The following GJB7 variants were observed in gnomAD, a reference collection of about 807,000 sequenced individuals.
GJB7 encodes the protein gap junction beta-7 protein.
For missense variants in GJB7, 253 were observed against 256.8 expected, an observed-to-expected ratio of 0.99 and a Z score of 0.10; for synonymous variants, 87 against 95.2, an observed-to-expected ratio of 0.91 and a Z score of 0.50.
chr6:87,316,148 GA>G (rs1460186527), intron 2 of GJB7, among the ~76,000 whole-genome samples: 1 of 152,094 alleles, frequency 6.6e-6, no homozygotes, highest in African/African-American at 2.4e-5. Flanking sequence ...CTGTATACAT[GA>G]GCTGATGCGC....
chr6:87,324,409 C>T (rs1243272566), intron 1 of GJB7, among the ~76,000 whole-genome samples: 3 of 151,522 alleles, frequency 2.0e-5, no homozygotes, highest in African/African-American at 4.9e-5. Context: ...TTAGGTCTAA[C>T]GTTTAAGTCT....
Position 87,328,760 on chromosome 6 carries a change from T to G in GJB7, c.-206+378A>C, listed in dbSNP as rs572069441. Among the ~76,000 whole-genome samples, 941 of 152,320 alleles carry G rather than the reference T, an allele frequency of 6.2e-3. 13 individuals carry two copies. Among genetic ancestry groups the G allele is most frequent in the African/African-American group, 0.022 (904 of 41,572 alleles). ...GCCTACAGAGGCAGGCAGGCCTCCT[T>G]GAGCTGTGGTGGGCTCCACCCAGTT... On this transcript the variant is annotated intron_variant, in intron 1 of 2. Coordinates refer to ENST00000525899, the MANE Select transcript of GJB7 (RefSeq NM_198568.3).
At chr6:87,300,635 G>A (rs543614267) in intron 2 of GJB7, among the ~76,000 whole-genome samples, 1 of 152,332 alleles carries the variant, frequency 6.6e-6, no homozygotes, top group South Asian at 2.1e-4. Flanking sequence ...CATTGTCCAT[G>A]CCTACAAATA....
chr6:87,328,399 T>G lies in GJB7; in HGVS notation c.-206+739A>C, dbSNP rs551597706. ...TTTGTGGTTTTATCTACTTTTTGTC[T>G]TTGTTGATGGTGATGTACAGATGGG... On this transcript the variant is annotated intron_variant, in intron 1 of 2. Transcript: ENST00000525899. 1.6e-3 allele frequency among the ~76,000 whole-genome samples: 251 copies of G among 152,228 alleles called. 7 individuals carry two copies. Among genetic ancestry groups the G allele is most frequent in the East Asian group, 0.015 (75 of 5,166 alleles).
Position 87,284,844 on chromosome 6 carries a change from A to T in GJB7, c.69T>A (p.Ile23=). ...VNKYSTGTGW[I]WLAVVFVFRL... ...GGAAGACAAACACGACAGCCAGCCA[A>T]ATCCATCCAGTCCCAGTGGAGTATT... Residue 23 remains isoleucine (I), a synonymous_variant, in exon 3 of 3, where the codon ATT becomes ATA. Coordinates refer to ENST00000525899, the MANE Select transcript of GJB7 (RefSeq NM_198568.3). 6.2e-7 allele frequency: 1 copy of T among 1,614,100 alleles called. No individual in the cohort carries two copies. The highest frequency in any genetic ancestry group is 8.5e-7 in the Non-Finnish European group (1 of 1,179,996).
At chr6:87,324,648 T>G (rs1776770009) in intron 1 of GJB7, among the ~76,000 whole-genome samples, 1 of 120,696 alleles carries the variant, frequency 8.3e-6, no homozygotes, top group Non-Finnish European at 2.0e-5. Context: ...TTGGTACCAG[T>G]ACCATGCTGT....
Position 87,284,827 on chromosome 6 carries a change from A to C in GJB7, c.86T>G (p.Phe29Cys), listed in dbSNP as rs144860417. ...CATGTAGACCAGCAAACGGAAGACA[A>C]ACACGACAGCCAGCCAAATCCATCC... ...GTGWIWLAVV[F>C]VFRLLVYMVA... Residue 29 changes from phenylalanine (F) to cysteine (C), a missense_variant, in exon 3 of 3, where the codon TTT becomes TGT. Coordinates refer to ENST00000525899, the MANE Select transcript of GJB7 (RefSeq NM_198568.3). 5.0e-4 allele frequency: 809 copies of C among 1,614,144 alleles called. 2 individuals carry two copies. Among genetic ancestry groups the C allele is most frequent in the Admixed American group, 8.0e-4 (48 of 60,026 alleles).
Position 87,319,206 on chromosome 6 carries a change from A to G in GJB7, c.-28+3660T>C, listed in dbSNP as rs538868527. On this transcript the variant is annotated intron_variant, in intron 2 of 2. Transcript: ENST00000525899. ...AAATGAAGATTACAAAAGCCGAATC[A>G]GATTGGCATCACTCTTCAAAGTAAT... Among the ~76,000 whole-genome samples, 185 of 152,384 alleles carry G rather than the reference A, an allele frequency of 1.2e-3. 1 individual carries two copies. The highest frequency in any genetic ancestry group is 4.1e-3 in the African/African-American group (172 of 41,596).
intron 2 of GJB7, among the ~76,000 whole-genome samples, chr6:87,320,822 C>T (rs1776646163): frequency 6.6e-6 from 1 of 152,184 alleles, no homozygotes; most frequent in South Asian, 2.1e-4. Context: ...TTGTGGCAGC[C>T]AAGGTTCTCC....
chr6:87,299,683 C>G (rs2127902235), intron 2 of GJB7: 1 of 172,920 alleles, frequency 5.8e-6, no homozygotes, highest in East Asian at 1.7e-4. Context: ...CAGAAAGAAC[C>G]AACGTGAAGA....
intron 1 of GJB7, among the ~76,000 whole-genome samples, chr6:87,328,735 G>T (rs1477483308): frequency 6.6e-6 from 1 of 152,164 alleles, no homozygotes; most frequent in Non-Finnish European, 1.5e-5. Context: ...CAGAGGTGGA[G>T]CCTACAGAGG....
chr6:87,284,127 A>G lies in GJB7; in HGVS notation c.*114T>C, dbSNP rs1776016411. On this transcript the variant is annotated 3_prime_UTR_variant, in exon 3 of 3. Transcript: ENST00000525899. ...TCTTTGTTTAACCCTCTTGTGTGTC[A>G]CAGAGTAGCTTTGCTTCAGGTAGAG... 3.6e-6 allele frequency: 3 copies of G among 830,734 alleles called. No homozygotes were observed. Among genetic ancestry groups the G allele is most frequent in the African/African-American group, 1.7e-5 (1 of 58,270 alleles). 51.5% of individuals were successfully genotyped at this position (830,734 alleles called of 1,614,324 possible). A position where few individuals can be genotyped will look rare whatever the true frequency, so the allele number is the denominator to read the frequency against.
intron 2 of GJB7, among the ~76,000 whole-genome samples, chr6:87,286,189 C>A (rs972318207): frequency 6.6e-6 from 1 of 152,204 alleles, no homozygotes; most frequent in African/African-American, 2.4e-5. Context: ...TAAACCTACA[C>A]AGCTCCCTGC....
intron 2 of GJB7, among the ~76,000 whole-genome samples, chr6:87,308,454 A>C (rs539069904): frequency 2.0e-5 from 3 of 152,354 alleles, no homozygotes; most frequent in South Asian, 4.1e-4. Context: ...ACAGCAGATT[A>C]ACTGAAAAAA....
intron 2 of GJB7, among the ~76,000 whole-genome samples, chr6:87,313,506 T>C (rs1176110240): frequency 6.6e-6 from 1 of 152,226 alleles, no homozygotes; most frequent in African/African-American, 2.4e-5. Context: ...GTCACTGTAT[T>C]CAAATAAAAT....
At chr6:87,328,933 C>T (rs1475725799) in intron 1 of GJB7, among the ~76,000 whole-genome samples, 4 of 152,198 alleles carry the variant, frequency 2.6e-5, no homozygotes, top group African/African-American at 4.8e-5. Context: ...CTCCGAACCA[C>T]GTGCGGGATA....
chr6:87,310,495 C>T (rs1776500219), intron 2 of GJB7, among the ~76,000 whole-genome samples: 1 of 151,760 alleles, frequency 6.6e-6, no homozygotes, highest in Non-Finnish European at 1.5e-5. Flanking sequence ...AATAAGAAAA[C>T]ATAAACAAGT....
intron 2 of GJB7, among the ~76,000 whole-genome samples, chr6:87,302,990 C>T (rs181138898): frequency 6.6e-6 from 1 of 152,316 alleles, no homozygotes; most frequent in East Asian, 1.9e-4. Context: ...AGAGATTTGT[C>T]ACCACCAGGC....
intron 1 of GJB7, among the ~76,000 whole-genome samples, chr6:87,325,539 T>A (rs983745726): frequency 6.7e-6 from 1 of 149,682 alleles, no homozygotes; most frequent in African/African-American, 2.5e-5. Context: ...GGTTTTTGTC[T>A]TTGGTTCTGT....
Sources: gnomAD v4.1 joint callset for allele counts (sites outside exome capture counted in the v4.1 genomes callset) on GRCh38, gnomAD v4.1.1 for gene constraint, MANE v1.5 for transcripts, NCBI Gene and HGNC (gene_info 2026-07-23, HGNC 2026-07-21) for gene names.